Variants in EEF2K observed in about 807,000 individuals in gnomAD.
The protein encoded by EEF2K is alternative protein EEF2K.
A neutral mutation model predicts 93.8 loss-of-function variants in EEF2K; 70 were observed. The ratio of observed to expected loss-of-function variants is 0.75; its 90% confidence interval spans 0.62 to 0.91. The LOEUF (loss-of-function observed/expected upper bound fraction) is 0.91, where lower values mean the gene tolerates loss of function less well. Ranked by LOEUF, EEF2K falls within the 40% of genes least tolerant of loss-of-function variation. The pLI is 0.00. For missense variants in EEF2K, 935 were observed against 972.9 expected (o/e 0.96, Z 0.52); for synonymous variants, 376 against 380.8 (o/e 0.99, Z 0.15).
intron 17 of EEF2K, among the ~76,000 whole-genome samples, chr16:22,281,076 A>G (rs533681863): frequency 6.6e-6 from 1 of 152,026 alleles, no homozygotes; most frequent in South Asian, 2.1e-4. Context: ...CTGGGACTAC[A>G]GGCACACACC....
intron 1 of EEF2K, among the ~76,000 whole-genome samples, chr16:22,219,923 A>C (rs954277241): frequency 6.6e-6 from 1 of 152,218 alleles, no homozygotes; most frequent in African/African-American, 2.4e-5. Context: ...CATTTCAGCC[A>C]GCAGGTTGGA....
At chr16:22,209,797 T>G (rs775798948) in intron 1 of EEF2K, among the ~76,000 whole-genome samples, 29 of 152,140 alleles carry the variant, frequency 1.9e-4, no homozygotes, top group Non-Finnish European at 3.7e-4. Flanking sequence ...AGGCTTCTTT[T>G]TTGTTGTTGT....
At chr16:22,231,132 A>G (rs1443267053) in intron 2 of EEF2K, among the ~76,000 whole-genome samples, 1 of 151,706 alleles carries the variant, frequency 6.6e-6, no homozygotes, top group Non-Finnish European at 1.5e-5. Context: ...TCCATCACCC[A>G]GGCTGGAGTG....
At chr16:22,251,072 T>C in intron 5 of EEF2K, 79 bp from the exon 6 acceptor site, 1 of 1,531,852 alleles carries the variant, frequency 6.5e-7, no homozygotes, top group Non-Finnish European at 8.8e-7. Flanking sequence ...GACAGGGTCT[T>C]GCTGTCCTGA....
In EEF2K at chr16:22,266,782, ACG is replaced by A. The variant is rs888376180; in HGVS notation, c.1672_1673del (p.Ala558SerfsTer41). On this transcript the variant is annotated frameshift_variant, in exon 15 of 18. Coordinates refer to ENST00000263026, the MANE Select transcript of EEF2K (RefSeq NM_013302.5). LOFTEE classifies it high-confidence loss of function. ...GAGTCGGCTGTCTTCCACCTGGAGC[ACG>A]CAGCCAACCTGGGCGAGCTGGAGGC... The A allele has an allele frequency of 6.2e-7, 1 of 1,614,108 alleles. No individual in the cohort carries two copies. The highest frequency in any genetic ancestry group is 1.3e-5 in the African/African-American group (1 of 74,940).
In EEF2K at chr16:22,258,673, C is replaced by T; in HGVS notation, c.1209C>T (p.His403=). 1.2e-6 allele frequency: 2 copies of T among 1,614,186 alleles called. No individual in the cohort carries two copies. The highest frequency in any genetic ancestry group is 3.3e-4 in the Middle Eastern group (2 of 6,056). ...CTTCCCCATCTTCGGCCACACCACA[C>T]AGCCAGAAGCTAGACCACCTCCGTG... ...LPSSPSSATP[H]SQKLDHLHWP... is the part of the protein sequence containing the mutation. Residue 403 remains histidine, a synonymous_variant, in exon 10 of 18, where the codon CAC becomes CAT. Coordinates refer to ENST00000263026, the MANE Select transcript of EEF2K (RefSeq NM_013302.5).
chr16:22,233,853 G>A (rs2047140626), intron 2 of EEF2K, among the ~76,000 whole-genome samples: 1 of 152,204 alleles, frequency 6.6e-6, no homozygotes, highest in African/African-American at 2.4e-5. Context: ...CTGGGCTCAA[G>A]TGATCCTCCC....
intron 2 of EEF2K, among the ~76,000 whole-genome samples, chr16:22,226,188 C>G (rs1289635460): frequency 6.6e-6 from 1 of 152,022 alleles, no homozygotes; most frequent in East Asian, 1.9e-4. Flanking sequence ...AAATAGTAGC[C>G]CAGGACACAC....
Position 22,282,547 on chromosome 16 carries a change from A to T in EEF2K, c.2069-1340A>T, listed in dbSNP as rs913888857. ...AGGTGGGACTGTTAAGAGGTGATTA[A>T]TGTTGTTATCATGCAGATTGGTCAG... On this transcript the variant is annotated intron_variant, in intron 17 of 17. Coordinates refer to ENST00000263026, the MANE Select transcript of EEF2K (RefSeq NM_013302.5). Among the ~76,000 whole-genome samples, 21 of 152,350 alleles carry T rather than the reference A, an allele frequency of 1.4e-4. 1 individual carries two copies. In the East Asian group the frequency reaches 1.9e-3, roughly 14 times the overall value.
At chr16:22,258,811 C>T in intron 10 of EEF2K, 116 bp downstream of exon 10, 2 of 1,394,304 alleles carry the variant, frequency 1.4e-6, no homozygotes, top group Non-Finnish European at 2.0e-6. Flanking sequence ...AGGTTCATGG[C>T]CCCAGTGGTT....
intron 15 of EEF2K, among the ~76,000 whole-genome samples, chr16:22,272,250 T>C (rs991996469): frequency 6.6e-6 from 1 of 152,188 alleles, no homozygotes; most frequent in Non-Finnish European, 1.5e-5. Context: ...GCAGCATTAT[T>C]CATAATAGCC....
intron 2 of EEF2K, 140 bp from the exon 3 acceptor site, chr16:22,244,490 A>G: frequency 1.4e-6 from 1 of 717,904 alleles, no homozygotes; most frequent in Non-Finnish European, 2.3e-6. Flanking sequence ...TGTTCCTGAA[A>G]GGCTACTAGA....
In EEF2K at chr16:22,215,296, A is replaced by G. The variant is rs909707532; in HGVS notation, c.-77+8617A>G. ...ATTTAGTTCTAGGAAGTCAGCCTGA[A>G]TCAGCCTTAGGTTCCCTGCCTCCAG... On this transcript the variant is annotated intron_variant, in intron 1 of 17. Coordinates refer to ENST00000263026, the MANE Select transcript of EEF2K (RefSeq NM_013302.5). Among the ~76,000 whole-genome samples the G allele has an allele frequency of 6.2e-4, 94 of 152,244 alleles. 1 individual carries two copies. Among genetic ancestry groups the G allele is most frequent in the Admixed American group, 5.7e-3 (87 of 15,278 alleles).
At chr16:22,221,555 A>G (rs2047011903) in intron 1 of EEF2K, among the ~76,000 whole-genome samples, 1 of 152,176 alleles carries the variant, frequency 6.6e-6, no homozygotes, top group African/African-American at 2.4e-5. Flanking sequence ...TCCATTTTAT[A>G]AGCATGTAGT....
At position 22,284,099 on chromosome 16, in the gene EEF2K, T is replaced by C. The variant is rs1001619883; in HGVS notation, c.*103T>C. 9.5e-7 allele frequency: 1 copy of C among 1,047,764 alleles called. No individual in the cohort carries two copies. The highest frequency in any genetic ancestry group is 1.4e-6 in the Non-Finnish European group (1 of 716,856). 64.9% of individuals were successfully genotyped at this position (1,047,764 alleles called of 1,614,324 possible). A position where few individuals can be genotyped will look rare whatever the true frequency, so the allele number is the denominator to read the frequency against. On this transcript the variant is annotated 3_prime_UTR_variant, in exon 18 of 18. Coordinates refer to ENST00000263026, the MANE Select transcript of EEF2K (RefSeq NM_013302.5). ...TTAGTTTGGGGAGGGGAAGCATTTTTAAGTGTGTTGTAAAATCAAATTTTA... is the reference window on the plus strand; with the variant it reads ...TTAGTTTGGGGAGGGGAAGCATTTTCAAGTGTGTTGTAAAATCAAATTTTA...
At chr16:22,263,663 A>G (rs2047488644) in intron 12 of EEF2K, among the ~76,000 whole-genome samples, 1 of 152,220 alleles carries the variant, frequency 6.6e-6, no homozygotes, top group African/African-American at 2.4e-5. Flanking sequence ...AGAAGATAAA[A>G]CAGGATCATG....
At chr16:22,213,347 A>G (rs2046932728) in intron 1 of EEF2K, among the ~76,000 whole-genome samples, 2 of 152,152 alleles carry the variant, frequency 1.3e-5, no homozygotes, top group Admixed American at 1.3e-4. Flanking sequence ...CGGCACTGAC[A>G]TTGGGCCGGA....
Position 22,244,714 on chromosome 16 carries a change from C to T in EEF2K, c.331C>T (p.Arg111Cys), listed in dbSNP as rs747658944. 16 of 1,613,934 alleles carry T rather than the reference C, an allele frequency of 9.9e-6. No homozygotes were observed. The highest frequency in any genetic ancestry group is 6.8e-6 in the Non-Finnish European group (8 of 1,179,898). ...CCACCTGGAAGATATTGCCACCGAA[C>T]GTGCTACTCGACACAGGTCAGCAGC... ...EFHLEDIATE[R>C]ATRHRYNAVT... The change falls in exon 3 of 18, where the codon CGT becomes TGT. Residue 111 changes from arginine to cysteine, a missense_variant. Physicochemically the swap from Arg to Cys is radical, Grantham distance 180. Transcript: ENST00000263026.
intron 4 of EEF2K, among the ~76,000 whole-genome samples, chr16:22,249,971 A>C (rs901899219): frequency 5.9e-5 from 9 of 151,792 alleles, no homozygotes; most frequent in African/African-American, 2.2e-4. Context: ...TAGTAGAGAC[A>C]GGGTTTCTCC....
Sources: gnomAD v4.1 joint callset for allele counts (sites outside exome capture counted in the v4.1 genomes callset) on GRCh38, gnomAD v4.1.1 for gene constraint, MANE v1.5 for transcripts, NCBI Gene and HGNC (gene_info 2026-07-23, HGNC 2026-07-21) for gene names.